TLK2: variants seen among roughly 807,000 people sequenced by gnomAD.
TLK2 encodes the protein serine/threonine-protein kinase tousled-like 2.
TLK2 carries 6 observed loss-of-function variants against 117.3 expected under a neutral mutation model. The observed-to-expected ratio is 0.05, with a 90% confidence interval of 0.03 to 0.10. The LOEUF is 0.10. Ranked by LOEUF, TLK2 falls within the 10% of genes least tolerant of loss-of-function variation. The pLI, the probability that TLK2 is intolerant of heterozygous loss-of-function variation, is 1.00. For synonymous variants in TLK2, 257 were observed against 316.7 expected, an observed-to-expected ratio of 0.81 and a Z score of 2.00; for missense variants, 299 against 901.2, an observed-to-expected ratio of 0.33 and a Z score of 8.56.
chr17:62,558,029 T>G (rs1042778704), intron 9 of TLK2, among the ~76,000 whole-genome samples: 1 of 152,156 alleles, frequency 6.6e-6, no homozygotes, highest in Non-Finnish European at 1.5e-5. Context: ...TTCTAGAAGA[T>G]CTAGAGGATC....
upstream of TLK2, among the ~76,000 whole-genome samples, chr17:62,476,910 C>T (rs1358126128): frequency 2.3e-5 from 3 of 131,774 alleles, no homozygotes; most frequent in Non-Finnish European, 3.2e-5. Context: ...GGCAAAACCT[C>T]GATTCTACCA....
chr17:62,478,636 G>C (rs974920362), upstream of TLK2, among the ~76,000 whole-genome samples: 178 of 150,912 alleles, frequency 1.2e-3, 1 homozygote, highest in Non-Finnish European at 2.1e-3. Context: ...ACCCCTGCCC[G>C]GCAGCGCGGC....
At chr17:62,541,575 A>G (rs1171812530) in intron 7 of TLK2, among the ~76,000 whole-genome samples, 1 of 152,260 alleles carries the variant, frequency 6.6e-6, no homozygotes, top group Admixed American at 6.5e-5. Context: ...GTTTAAAATT[A>G]TTACATAATT....
At chr17:62,589,516 T>C (rs1185986425) in intron 16 of TLK2, among the ~76,000 whole-genome samples, 1 of 152,228 alleles carries the variant, frequency 6.6e-6, no homozygotes, top group African/African-American at 2.4e-5. Context: ...AGTCATTGCC[T>C]TGCTGATGAA....
At chr17:62,596,948 G>C (rs1295177826) in intron 17 of TLK2, among the ~76,000 whole-genome samples, 2 of 152,172 alleles carry the variant, frequency 1.3e-5, no homozygotes, top group Non-Finnish European at 2.9e-5. Flanking sequence ...CCGTGGTGTA[G>C]ATATTCCTCC....
At position 62,493,268 on chromosome 17, in the gene TLK2, C is replaced by T. The variant is rs59354946; in HGVS notation, c.81+12062C>T. 2.5e-3 allele frequency among the ~76,000 whole-genome samples: 387 copies of T among 152,240 alleles called. 1 individual carries two copies. The highest frequency in any genetic ancestry group is 8.4e-3 in the African/African-American group (348 of 41,560). The stretch of plus-strand genomic sequence containing the variant: ...CTTGTTTCACTTAGCATAGTATCTT[C>T]GAAGTTTATCTGTGTTGTAGTATAT... On this transcript the variant is annotated intron_variant, in intron 2 of 21. Coordinates refer to ENST00000346027, the MANE Select transcript of TLK2 (RefSeq NM_006852.6).
intron 11 of TLK2, among the ~76,000 whole-genome samples, chr17:62,566,682 C>T (rs1024657544): frequency 6.6e-6 from 1 of 152,180 alleles, no homozygotes; most frequent in African/African-American, 2.4e-5. Flanking sequence ...CTGTTTATAA[C>T]ATCCTGGCCA....
At chr17:62,601,909 T>C (rs572583354) in intron 18 of TLK2, 133 bp from the exon 19 acceptor site, 2 of 759,274 alleles carry the variant, frequency 2.6e-6, no homozygotes, top group African/African-American at 1.8e-5. Context: ...CCAGATTGCT[T>C]GATTCCCAGG....
intron 13 of TLK2, among the ~76,000 whole-genome samples, 160 bp downstream of exon 13, chr17:62,576,935 G>T (rs563012462): frequency 3.5e-5 from 5 of 144,306 alleles, no homozygotes; most frequent in African/African-American, 5.0e-5. Context: ...CCTAATGGTA[G>T]AACTCATATT....
intron 2 of TLK2, among the ~76,000 whole-genome samples, chr17:62,505,406 G>GTTTTTTTTTTTTT (rs1220388129): frequency 1.8e-4 from 4 of 22,636 alleles, no homozygotes; most frequent in Admixed American, 8.1e-4. Flanking sequence ...ACCATACCCA[G>GTTTTTTTTTTTTT]ATTTTTTTTT....
intron 2 of TLK2, among the ~76,000 whole-genome samples, chr17:62,486,047 C>G (rs894332710): frequency 1.3e-5 from 2 of 152,014 alleles, no homozygotes; most frequent in African/African-American, 2.4e-5. Context: ...GTCTCGATCT[C>G]CTGACCTCGT....
At chr17:62,536,148 G>GTGT in intron 6 of TLK2, 22 bp from the exon 7 acceptor site, 1 of 1,604,966 alleles carries the variant, frequency 6.2e-7, no homozygotes, top group Non-Finnish European at 8.5e-7. Flanking sequence ...TGTCATTTGT[G>GTGT]TGTTTCTTTA....
chr17:62,573,006 A>G, intron 11 of TLK2: 3 of 516,834 alleles, frequency 5.8e-6, no homozygotes, highest in Non-Finnish European at 1.0e-5. Flanking sequence ...AGTAATAACT[A>G]GTGTCTTAAA....
rs562447398 is a variant in TLK2, at chr17:62,487,708, C to G, written c.81+6502C>G. The stretch of plus-strand genomic sequence containing the variant: ...GCATGATCTCGGCTCACCGCAACAT[C>G]CGCCTCCCAGGTCCAAGTGATTCTC... On this transcript the variant is annotated intron_variant, in intron 2 of 21. Coordinates refer to ENST00000346027, the MANE Select transcript of TLK2 (RefSeq NM_006852.6). Among the ~76,000 whole-genome samples, 5 of 133,532 alleles carry G rather than the reference C, an allele frequency of 3.7e-5. No individual in the cohort carries two copies. In the South Asian group the frequency reaches 1.3e-3, roughly 35 times the overall value. The allele number at this position is 133,532 out of a possible 152,430, so 87.6% of individuals were successfully genotyped here.
chr17:62,540,203 G>T (rs1203107697), intron 7 of TLK2, among the ~76,000 whole-genome samples: 2 of 148,738 alleles, frequency 1.3e-5, no homozygotes, highest in Non-Finnish European at 3.0e-5. Flanking sequence ...CTCCCAAAGT[G>T]CTGGGATTTT....
chr17:62,608,011 C>T, intron 20 of TLK2, 30 bp from the exon 21 acceptor site: 1 of 1,572,904 alleles, frequency 6.4e-7, no homozygotes, highest in Non-Finnish European at 8.7e-7. Flanking sequence ...CATCAGAGGC[C>T]TACATTATTT....
chr17:62,581,905 A>G (rs2081249391), intron 15 of TLK2, among the ~76,000 whole-genome samples: 1 of 151,980 alleles, frequency 6.6e-6, no homozygotes, highest in African/African-American at 2.4e-5. Context: ...CCTTTTCATC[A>G]CTTGGGAATT....
At chr17:62,476,169 G>A (rs7406820), upstream of TLK2, among the ~76,000 whole-genome samples, 57,003 of 151,424 alleles carry the variant, frequency 0.38, 10,949 homozygotes, top group African/African-American at 0.43. Context: ...TAGTAGACAC[G>A]GGGTTTCACC....
intron 16 of TLK2, among the ~76,000 whole-genome samples, chr17:62,590,103 G>A (rs1352757264): frequency 1.4e-5 from 2 of 146,882 alleles, no homozygotes; most frequent in African/African-American, 2.5e-5. Flanking sequence ...CACCGTGCCC[G>A]GCCTTTAACC....
Sources: gnomAD v4.1 joint callset for allele counts (sites outside exome capture counted in the v4.1 genomes callset) on GRCh38, gnomAD v4.1.1 for gene constraint, MANE v1.5 for transcripts, NCBI Gene and HGNC (gene_info 2026-07-23, HGNC 2026-07-21) for gene names.